The following PRKCB variants were observed in gnomAD, a reference collection of about 807,000 sequenced individuals.
PRKCB encodes protein kinase C beta type.
PRKCB carries 13 observed loss-of-function variants against 81.5 expected under a neutral mutation model. The ratio of observed to expected loss-of-function variants is 0.16; its 90% CI spans 0.10 to 0.25. The LOEUF is 0.25. PRKCB is among the 10% of genes least tolerant of loss of function. The pLI is 1.00. For missense variants in PRKCB, 509 were observed against 875.7 expected (o/e 0.58, Z 5.29); for synonymous variants, 335 against 321.4 (o/e 1.04, Z -0.45).
At chr16:24,095,990 G>A (rs1019027878) in intron 7 of PRKCB, among the ~76,000 whole-genome samples, 20 of 152,168 alleles carry the variant, frequency 1.3e-4, no homozygotes, top group African/African-American at 4.8e-4. Context: ...TTGGGCAAGG[G>A]CTATTATCAT....
At chr16:24,054,950 T>G (rs1161115467) in intron 5 of PRKCB, among the ~76,000 whole-genome samples, 1 of 152,236 alleles carries the variant, frequency 6.6e-6, no homozygotes, top group Non-Finnish European at 1.5e-5. Flanking sequence ...GGGCAGAGAC[T>G]GTTGTGTAGG....
chr16:23,923,983 A>G (rs1266541026), intron 2 of PRKCB, among the ~76,000 whole-genome samples: 1 of 152,092 alleles, frequency 6.6e-6, no homozygotes, highest in Non-Finnish European at 1.5e-5. Flanking sequence ...CCAAGCGTGT[A>G]TCACTGGCCA....
intron 5 of PRKCB, among the ~76,000 whole-genome samples, chr16:24,083,974 C>T (rs909225002): frequency 6.6e-6 from 1 of 151,852 alleles, no homozygotes; most frequent in Non-Finnish European, 1.5e-5. Flanking sequence ...AAGAGGAATG[C>T]AGAAGAAAGA....
intron 5 of PRKCB, among the ~76,000 whole-genome samples, chr16:24,069,439 G>C (rs1274740937): frequency 2.0e-5 from 3 of 152,150 alleles, no homozygotes; most frequent in Non-Finnish European, 4.4e-5. Context: ...GCTGTGTATA[G>C]AGTGCTTAAA....
chr16:24,120,553 C>T (rs765376821), intron 8 of PRKCB, among the ~76,000 whole-genome samples: 6 of 152,090 alleles, frequency 3.9e-5, no homozygotes, highest in Non-Finnish European at 7.4e-5. Context: ...GCTCCTCCTC[C>T]GCTTCTTCTC....
At chr16:23,891,530 T>C (rs1963294615) in intron 2 of PRKCB, among the ~76,000 whole-genome samples, 1 of 152,182 alleles carries the variant, frequency 6.6e-6, no homozygotes, top group African/African-American at 2.4e-5. Flanking sequence ...GGGCAGGGGC[T>C]CTCTTGGACA....
chr16:24,006,835 A>C (rs764708), intron 3 of PRKCB, among the ~76,000 whole-genome samples: 1 of 138,698 alleles, frequency 7.2e-6, no homozygotes, highest in Non-Finnish European at 1.5e-5. Flanking sequence ...TACGGGGAGC[A>C]GGGGGTGGGG....
At chr16:23,935,479 G>A (rs1388353864) in intron 2 of PRKCB, among the ~76,000 whole-genome samples, 2 of 152,094 alleles carry the variant, frequency 1.3e-5, no homozygotes, top group East Asian at 3.9e-4. Flanking sequence ...CAAACTGCAG[G>A]GACCCAAAGG....
At chr16:24,069,416 C>T (rs375200627) in intron 5 of PRKCB, among the ~76,000 whole-genome samples, 3 of 152,216 alleles carry the variant, frequency 2.0e-5, no homozygotes, top group South Asian at 2.1e-4. Flanking sequence ...GCACTGGGGA[C>T]GAGCAGTGCT....
At chr16:24,166,448 A>G (rs1176493534) in intron 10 of PRKCB, among the ~76,000 whole-genome samples, 1 of 152,080 alleles carries the variant, frequency 6.6e-6, no homozygotes, top group East Asian at 1.9e-4. Context: ...TTTTTCTTTT[A>G]TATGACTCCA....
At chr16:24,141,810 A>C (rs1369698037) in intron 9 of PRKCB, among the ~76,000 whole-genome samples, 1 of 152,220 alleles carries the variant, frequency 6.6e-6, no homozygotes, top group Admixed American at 6.5e-5. Context: ...CACAGACAGT[A>C]TGACCTTGCC....
intron 5 of PRKCB, among the ~76,000 whole-genome samples, chr16:24,086,886 T>G (rs1966317023): frequency 1.3e-5 from 2 of 152,292 alleles, no homozygotes; most frequent in South Asian, 4.1e-4. Context: ...TTTTAAATAT[T>G]TGGAGGGCCT....
intron 2 of PRKCB, among the ~76,000 whole-genome samples, chr16:23,850,079 TGTTTCTGGC>T (rs1176971100): frequency 6.6e-6 from 1 of 152,218 alleles, no homozygotes; most frequent in Non-Finnish European, 1.5e-5. Flanking sequence ...TTTGTCTCTG[TGTTTCTGGC>T]TTATTTTACT....
chr16:23,890,122 A>T (rs1963270038), intron 2 of PRKCB, among the ~76,000 whole-genome samples: 1 of 152,358 alleles, frequency 6.6e-6, no homozygotes, highest in Non-Finnish European at 1.5e-5. Context: ...GACTTTTAGT[A>T]GGTCCTATTG....
At chr16:24,158,594 A>C (rs1269764701) in intron 10 of PRKCB, among the ~76,000 whole-genome samples, 1 of 150,876 alleles carries the variant, frequency 6.6e-6, no homozygotes, top group Non-Finnish European at 1.5e-5. Context: ...GTATATGTAT[A>C]TGTGTGTGTA....
chr16:23,896,698 G>A (rs983080457), intron 2 of PRKCB, among the ~76,000 whole-genome samples: 1 of 152,142 alleles, frequency 6.6e-6, no homozygotes, highest in Non-Finnish European at 1.5e-5. Context: ...ATATGCAAAG[G>A]GCTTGAAAGG....
intron 10 of PRKCB, among the ~76,000 whole-genome samples, chr16:24,165,475 C>A (rs1228604706): frequency 6.6e-6 from 1 of 152,184 alleles, no homozygotes; most frequent in African/African-American, 2.4e-5. Flanking sequence ...CCATGACTTG[C>A]AAAAATAAGC....
At chr16:23,845,989 G>A (rs1181276433) in intron 2 of PRKCB, among the ~76,000 whole-genome samples, 3 of 152,202 alleles carry the variant, frequency 2.0e-5, no homozygotes, top group African/African-American at 7.2e-5. Flanking sequence ...TTTTCAGGGA[G>A]CACAAGATTA....
At chr16:23,984,084 A>G (rs1361222019) in intron 2 of PRKCB, among the ~76,000 whole-genome samples, 2 of 152,188 alleles carry the variant, frequency 1.3e-5, no homozygotes, top group Non-Finnish European at 2.9e-5. Context: ...TGCAGCCAAA[A>G]CTGTACTTAA....
Sources: gnomAD v4.1 joint callset for allele counts (sites outside exome capture counted in the v4.1 genomes callset) on GRCh38, gnomAD v4.1.1 for gene constraint, MANE v1.5 for transcripts, NCBI Gene and HGNC (gene_info 2026-07-23, HGNC 2026-07-21) for gene names.